The following RAP1GAP2 variants were observed in gnomAD, a reference collection of about 807,000 sequenced individuals.
The protein encoded by RAP1GAP2 is rap1 GTPase-activating protein 2.
A neutral mutation model predicts 95.0 loss-of-function variants in RAP1GAP2; 27 were observed. The ratio of observed to expected loss-of-function variants is 0.28; its 90% confidence interval spans 0.21 to 0.39. The LOEUF is 0.39. Among genes scored for constraint, RAP1GAP2 ranks in the 10% least tolerant of loss-of-function variants. RAP1GAP2 has a pLI of 1.00. For missense variants in RAP1GAP2, 771 were observed against 970.0 expected (o/e 0.79, Z 2.72); for synonymous variants, 373 against 380.9 (o/e 0.98, Z 0.24).
At chr17:3,032,566 T>C (rs759629711) in intron 24 of RAP1GAP2, 117 bp downstream of exon 24, 12 of 1,016,142 alleles carry the variant, frequency 1.2e-5, no homozygotes, top group Non-Finnish European at 1.8e-5. Context: ...CAGCTGGGGA[T>C]GTCCAAAGAG....
chr17:2,763,644 C>T (rs1307107296), intron 1 of RAP1GAP2, among the ~76,000 whole-genome samples: 5 of 151,752 alleles, frequency 3.3e-5, no homozygotes, highest in South Asian at 2.1e-4. Flanking sequence ...TGCAATGAGC[C>T]GAGATTGTAC....
At chr17:2,921,331 G>T (rs1187479646) in intron 3 of RAP1GAP2, among the ~76,000 whole-genome samples, 1 of 151,928 alleles carries the variant, frequency 6.6e-6, no homozygotes, top group African/African-American at 2.4e-5. Context: ...CTCCCAAGTA[G>T]CTTGGGATTA....
upstream of RAP1GAP2, among the ~76,000 whole-genome samples, chr17:2,792,810 T>A (rs2068961337): frequency 6.6e-6 from 1 of 152,206 alleles, no homozygotes; most frequent in Non-Finnish European, 1.5e-5. Context: ...ACGCACCCCT[T>A]CCCTGTCTCC....
intron 2 of RAP1GAP2, among the ~76,000 whole-genome samples, chr17:2,808,842 C>T (rs1476508636): frequency 6.6e-6 from 1 of 152,014 alleles, no homozygotes; most frequent in Non-Finnish European, 1.5e-5. Context: ...CGTGTGTGCA[C>T]GCTCGCCCAT....
chr17:2,831,753 G>C (rs754270873), intron 2 of RAP1GAP2, among the ~76,000 whole-genome samples: 1 of 152,016 alleles, frequency 6.6e-6, no homozygotes, highest in Non-Finnish European at 1.5e-5. Flanking sequence ...AAAAAAATTA[G>C]ATGTGGTGGT....
At chr17:2,998,141 A>G in intron 13 of RAP1GAP2, 80 bp from the exon 14 acceptor site, 1 of 1,475,732 alleles carries the variant, frequency 6.8e-7, no homozygotes, top group Non-Finnish European at 9.3e-7. Flanking sequence ...TGTGCAAAGG[A>G]AAGTGAACCC....
At position 2,839,822 on chromosome 17, in the gene RAP1GAP2, G is replaced by A. The variant is rs1000989703; in HGVS notation, c.80+39272G>A. Among the ~76,000 whole-genome samples, 10 of 151,962 alleles carry A rather than the reference G, an allele frequency of 6.6e-5. No individual in the cohort carries two copies. In the South Asian group the frequency reaches 8.3e-4, roughly 13 times the overall value. ...TTCTTTTTTTAATTTTTTTTGAGAC[G>A]GAGTTTTGCTCTTGTTGCCCAGGCT... is the stretch of plus-strand genomic sequence containing the variant. On this transcript the variant is annotated intron_variant, in intron 2 of 24. Transcript: ENST00000254695.
At chr17:2,872,474 G>A (rs2072885507) in intron 2 of RAP1GAP2, among the ~76,000 whole-genome samples, 1 of 152,050 alleles carries the variant, frequency 6.6e-6, no homozygotes, top group Admixed American at 6.6e-5. Context: ...TCAGGAGGGG[G>A]CTTTTGTTCT....
intron 3 of RAP1GAP2, among the ~76,000 whole-genome samples, chr17:2,927,321 T>G (rs902873942): frequency 3.3e-5 from 5 of 151,098 alleles, no homozygotes; most frequent in African/African-American, 7.3e-5. Context: ...GCCCGGCTAA[T>G]TTTTTGTATT....
At chr17:2,828,695 G>C (rs1395368342) in intron 2 of RAP1GAP2, among the ~76,000 whole-genome samples, 3 of 152,190 alleles carry the variant, frequency 2.0e-5, no homozygotes, top group Admixed American at 6.6e-5. Context: ...TTGTGATTCT[G>C]GCTGTGGGCT....
intron 3 of RAP1GAP2, among the ~76,000 whole-genome samples, chr17:2,928,742 G>A (rs1015793357): frequency 2.0e-5 from 3 of 152,120 alleles, no homozygotes; most frequent in Non-Finnish European, 2.9e-5. Flanking sequence ...CGCTTGATGC[G>A]TGTGGGGGCC....
upstream of RAP1GAP2, among the ~76,000 whole-genome samples, chr17:2,774,074 T>C (rs2068447694): frequency 6.6e-6 from 1 of 152,042 alleles, no homozygotes; most frequent in Non-Finnish European, 1.5e-5. Context: ...TAGACACAAT[T>C]TAACAGGGGT....
chr17:2,814,332 G>T (rs2069906199), intron 2 of RAP1GAP2, among the ~76,000 whole-genome samples: 1 of 152,140 alleles, frequency 6.6e-6, no homozygotes, highest in Admixed American at 6.6e-5. Context: ...AACTTGCTGT[G>T]TGTGGCTGGG....
At chr17:2,916,543 T>G (rs114889756) in intron 3 of RAP1GAP2, among the ~76,000 whole-genome samples, 9 of 152,208 alleles carry the variant, frequency 5.9e-5, no homozygotes, top group African/African-American at 1.9e-4. Flanking sequence ...CTGAAGCCTG[T>G]GCTGTCTTCC....
chr17:2,882,186 G>C (rs957038778), intron 2 of RAP1GAP2, among the ~76,000 whole-genome samples: 1 of 148,448 alleles, frequency 6.7e-6, no homozygotes, highest in African/African-American at 2.5e-5. Flanking sequence ...GAGTGCAGTG[G>C]TGCGTTCTTG....
intron 2 of RAP1GAP2, among the ~76,000 whole-genome samples, chr17:2,832,486 A>C (rs1167302971): frequency 2.1e-5 from 3 of 140,938 alleles, no homozygotes; most frequent in Non-Finnish European, 4.5e-5. Flanking sequence ...TGAACCCAGG[A>C]GGTGGAGGTT....
chr17:2,926,011 G>A (rs1435025148), intron 3 of RAP1GAP2, among the ~76,000 whole-genome samples: 1 of 151,882 alleles, frequency 6.6e-6, no homozygotes, highest in South Asian at 2.1e-4. Context: ...GTGGTGGTGG[G>A]TGTCTGTAAT....
In RAP1GAP2 at chr17:3,020,570, G is replaced by T. The variant is rs1427874725; in HGVS notation, c.1726G>T (p.Gly576Cys). The T allele has an allele frequency of 6.2e-7, 1 of 1,613,874 alleles. No individual in the cohort carries two copies. Among genetic ancestry groups the T allele is most frequent in the African/African-American group, 1.3e-5 (1 of 75,056 alleles). Residue 576 changes from glycine to cysteine, a missense_variant, in exon 19 of 25, where the codon GGC becomes TGC. Gly to Cys is a radical substitution (Grantham distance 159). Transcript: ENST00000254695. ...LFPRLHTGSE[G>C]QGDSRARCDS... ...CCCCCGCCTGCACACGGGCTCAGAA[G>T]GCCAGGGCGACAGCCGGGCACGATG... is the stretch of plus-strand genomic sequence containing the variant.
chr17:2,860,128 C>T (rs1011020970), intron 2 of RAP1GAP2, among the ~76,000 whole-genome samples: 1 of 152,058 alleles, frequency 6.6e-6, no homozygotes, highest in Non-Finnish European at 1.5e-5. Flanking sequence ...AGAATTCTGG[C>T]CTTGCAGTCC....
Sources: gnomAD v4.1 joint callset for allele counts (sites outside exome capture counted in the v4.1 genomes callset) on GRCh38, gnomAD v4.1.1 for gene constraint, MANE v1.5 for transcripts, NCBI Gene and HGNC (gene_info 2026-07-23, HGNC 2026-07-21) for gene names.